Variants in DNM3 observed in about 807,000 individuals in gnomAD.
DNM3 encodes the protein dynamin-3.
DNM3 carries 47 observed loss-of-function variants against 101.6 expected under a neutral mutation model. That is an observed-to-expected ratio of 0.46 (90% CI 0.37 to 0.59). The LOEUF is 0.59. DNM3 is among the 20% of genes least tolerant of loss of function. The pLI is 0.00. For synonymous variants in DNM3, 385 were observed against 387.9 expected (o/e 0.99, Z 0.09); for missense variants, 849 against 1,085.7 (o/e 0.78, Z 3.06).
chr1:171,864,774 G>A (rs1008714019), intron 1 of DNM3: 2 of 151,734 alleles, frequency 1.3e-5, no homozygotes, highest in African/African-American at 2.4e-5. Flanking sequence ...TGTAAATAGT[G>A]TTTTATTATT....
At chr1:172,186,270 G>A (rs1197114094) in intron 14 of DNM3, among the ~76,000 whole-genome samples, 1 of 151,940 alleles carries the variant, frequency 6.6e-6, no homozygotes, top group Non-Finnish European at 1.5e-5. Context: ...TTTAAACGTC[G>A]GTTACAAATT....
At chr1:172,297,817 A>T (rs1396188984) in intron 15 of DNM3, among the ~76,000 whole-genome samples, 1 of 152,006 alleles carries the variant, frequency 6.6e-6, no homozygotes, top group Admixed American at 6.5e-5. Context: ...ATTCCACCTG[A>T]TTGTACTTTT....
At chr1:172,349,308 T>C (rs569262988) in intron 17 of DNM3, among the ~76,000 whole-genome samples, 11 of 152,264 alleles carry the variant, frequency 7.2e-5, no homozygotes, top group Middle Eastern at 3.4e-3. Flanking sequence ...TAACACACCT[T>C]TTGAGGATTC....
chr1:172,345,895 C>A (rs952633745), intron 17 of DNM3, among the ~76,000 whole-genome samples: 5 of 151,958 alleles, frequency 3.3e-5, no homozygotes, highest in African/African-American at 1.2e-4. Context: ...AGCAGCCGGG[C>A]GGATCACGAG....
At chr1:172,110,829 A>T (rs2055415024) in intron 13 of DNM3, among the ~76,000 whole-genome samples, 1 of 152,188 alleles carries the variant, frequency 6.6e-6, no homozygotes, top group Non-Finnish European at 1.5e-5. Flanking sequence ...TGAGCCCAGG[A>T]GTTGGAGACA....
chr1:172,216,048 A>G (rs574082571), intron 14 of DNM3, among the ~76,000 whole-genome samples: 7 of 151,848 alleles, frequency 4.6e-5, no homozygotes, highest in Middle Eastern at 3.4e-3. Flanking sequence ...CAGGGGTAGA[A>G]CAAAGCTGCA....
At chr1:172,181,873 A>G (rs984272665) in intron 14 of DNM3, among the ~76,000 whole-genome samples, 11 of 151,760 alleles carry the variant, frequency 7.2e-5, no homozygotes, top group African/African-American at 2.2e-4. Flanking sequence ...CTAAAACTGA[A>G]TAAGCAAGGC....
At chr1:172,328,601 A>C (rs1360387720) in intron 17 of DNM3, among the ~76,000 whole-genome samples, 1 of 152,122 alleles carries the variant, frequency 6.6e-6, no homozygotes, top group East Asian at 1.9e-4. Context: ...GATCACATGG[A>C]CACAAAGAAG....
intron 14 of DNM3, among the ~76,000 whole-genome samples, chr1:172,225,633 C>T (rs374960045): frequency 2.6e-5 from 4 of 151,824 alleles, no homozygotes; most frequent in African/African-American, 9.7e-5. Context: ...TATAAAAATG[C>T]ATTAACAAGT....
intron 15 of DNM3, among the ~76,000 whole-genome samples, chr1:172,301,056 A>C (rs1055566387): frequency 2.6e-5 from 4 of 152,360 alleles, no homozygotes; most frequent in Non-Finnish European, 5.9e-5. Flanking sequence ...TTCTGAGTTT[A>C]GGTGGAGATG....
chr1:171,909,064 C>T (rs1344177011), intron 1 of DNM3, among the ~76,000 whole-genome samples: 1 of 152,080 alleles, frequency 6.6e-6, no homozygotes, highest in African/African-American at 2.4e-5. Context: ...ATGACATAGT[C>T]TTTGCTGTCT....
At chr1:172,043,622 T>C (rs1399737558) in intron 8 of DNM3, among the ~76,000 whole-genome samples, 3 of 152,000 alleles carry the variant, frequency 2.0e-5, no homozygotes. Flanking sequence ...AGAGGTAGGC[T>C]ACAGGAGGGG....
At chr1:172,315,651 A>G (rs2065303955) in intron 16 of DNM3, among the ~76,000 whole-genome samples, 1 of 152,238 alleles carries the variant, frequency 6.6e-6, no homozygotes, top group South Asian at 2.1e-4. Flanking sequence ...ATGGAAGATG[A>G]AATGAATGAA....
At chr1:171,997,023 C>A (rs1478559612) in intron 4 of DNM3, among the ~76,000 whole-genome samples, 1 of 151,352 alleles carries the variant, frequency 6.6e-6, no homozygotes, top group African/African-American at 2.4e-5. Context: ...CAGAGTGAGA[C>A]CTTGTCTCAA....
intron 14 of DNM3, among the ~76,000 whole-genome samples, chr1:172,202,934 G>C (rs1558720367): frequency 6.6e-6 from 1 of 152,088 alleles, no homozygotes; most frequent in Non-Finnish European, 1.5e-5. Flanking sequence ...ATTGAAGGAA[G>C]TATTACTAGA....
At chr1:171,868,787 TTC>T in intron 1 of DNM3, among the ~76,000 whole-genome samples, 1 of 152,280 alleles carries the variant, frequency 6.6e-6, no homozygotes, top group Non-Finnish European at 1.5e-5. Flanking sequence ...TTTGTACAAT[TTC>T]TTTTTTTTTT....
intron 14 of DNM3, among the ~76,000 whole-genome samples, chr1:172,157,627 G>C (rs1171032285): frequency 6.6e-6 from 1 of 151,958 alleles, no homozygotes; most frequent in Non-Finnish European, 1.5e-5. Flanking sequence ...GGTCTGTACT[G>C]AACATGTACA....
In DNM3 at chr1:172,308,818, G is replaced by T. The variant is rs1387624239; in HGVS notation, c.1860G>T (p.Gly620=). Residue 620 remains glycine, a synonymous_variant, in exon 16 of 21, where the codon GGG becomes GGT. Coordinates refer to ENST00000627582, the MANE Select transcript of DNM3 (RefSeq NM_015569.5). ...DSWKASLLRA[G]VYPDKSVGNN... ...GGAAGGCATCTCTACTAAGAGCTGG[G>T]GTCTATCCTGACAAATCTGTAGTAA... The T allele has an allele frequency of 1.2e-6, 2 of 1,606,438 alleles. No homozygotes were observed. The highest frequency in any genetic ancestry group is 4.5e-5 in the East Asian group (2 of 44,518).
intron 16 of DNM3, among the ~76,000 whole-genome samples, chr1:172,320,630 A>G (rs984629477): frequency 1.3e-5 from 2 of 152,152 alleles, no homozygotes; most frequent in African/African-American, 4.8e-5. Flanking sequence ...GTAATTCCCA[A>G]TTAAGTATTA....
Sources: gnomAD v4.1 joint callset for allele counts (sites outside exome capture counted in the v4.1 genomes callset) on GRCh38, gnomAD v4.1.1 for gene constraint, MANE v1.5 for transcripts, NCBI Gene and HGNC (gene_info 2026-07-23, HGNC 2026-07-21) for gene names.